CABYR: variants seen among roughly 807,000 people sequenced by gnomAD.
CABYR encodes the protein calcium-binding tyrosine phosphorylation-regulated protein.
CABYR carries 31 observed loss-of-function variants against 36.1 expected under a neutral mutation model. The ratio of observed to expected loss-of-function variants is 0.86; its 90% CI spans 0.64 to 1.16. The LOEUF is 1.16. Among genes scored for constraint, CABYR ranks in the 50% most tolerant of loss-of-function variants. CABYR has a pLI of 0.00. For missense variants in CABYR, 429 were observed against 455.8 expected (o/e 0.94, Z 0.53); for synonymous variants, 146 against 160.7 (o/e 0.91, Z 0.69).
chr18:24,149,838 G>A (rs2085571607), intron 3 of CABYR, among the ~76,000 whole-genome samples: 1 of 152,220 alleles, frequency 6.6e-6, no homozygotes, highest in Non-Finnish European at 1.5e-5. Context: ...GGGCCGGCCC[G>A]CTGCTCGGAA....
At chr18:24,144,780 C>T (rs994996940) in intron 3 of CABYR, among the ~76,000 whole-genome samples, 1 of 152,208 alleles carries the variant, frequency 6.6e-6, no homozygotes, top group Non-Finnish European at 1.5e-5. Flanking sequence ...AAAAGACTCA[C>T]TAATTAACCA....
intron 3 of CABYR, among the ~76,000 whole-genome samples, chr18:24,146,834 G>A (rs548930790): frequency 6.6e-6 from 1 of 152,210 alleles, no homozygotes; most frequent in South Asian, 2.1e-4. Flanking sequence ...AACCATAGAA[G>A]CCAAAAGACA....
At chr18:24,148,351 T>C (rs562692685) in intron 3 of CABYR, among the ~76,000 whole-genome samples, 1 of 152,268 alleles carries the variant, frequency 6.6e-6, no homozygotes, top group African/African-American at 2.4e-5. Flanking sequence ...CCATTAGTGG[T>C]TTATCACCTG....
intron 1 of CABYR, among the ~76,000 whole-genome samples, chr18:24,140,895 A>T (rs940265082): frequency 6.6e-6 from 1 of 152,214 alleles, no homozygotes; most frequent in African/African-American, 2.4e-5. Flanking sequence ...TTAATGGCTG[A>T]ATAGTACTCC....
In CABYR at chr18:24,159,952, T is replaced by C. The variant is rs772001353; in HGVS notation, c.1022T>C (p.Val341Ala). The C allele has an allele frequency of 6.2e-7, 1 of 1,614,124 alleles. No homozygotes were observed. Among genetic ancestry groups the C allele is most frequent in the South Asian group, 1.1e-5 (1 of 91,066 alleles). The change falls in exon 5 of 6, where the codon GTA becomes GCA. Residue 341 changes from valine to alanine, a missense_variant. Physicochemically the swap from Val to Ala is moderately conservative, Grantham distance 64. Transcript: ENST00000399496. ...TCTGTTGCTTTCCCAGTAGAAGATG[T>C]AGCTAAAAAAAGTTCAGGATCTGGT... ...FLSVAFPVED[V>A]AKKSSGSGDK...
intron 1 of CABYR, chr18:24,140,238 CTT>C (rs1484243831): frequency 1.3e-5 from 2 of 152,134 alleles, no homozygotes; most frequent in Admixed American, 1.3e-4. Flanking sequence ...CTGGGAGCCA[CTT>C]TCAAAACGGT....
chr18:24,157,772 C>T (rs1258800430), intron 4 of CABYR, among the ~76,000 whole-genome samples: 1 of 152,126 alleles, frequency 6.6e-6, no homozygotes, highest in Non-Finnish European at 1.5e-5. Context: ...ATGATGTGAC[C>T]TTCATCTCCA....
intron 3 of CABYR, among the ~76,000 whole-genome samples, chr18:24,152,153 G>A (rs907057289): frequency 2.0e-5 from 3 of 152,126 alleles, no homozygotes; most frequent in Non-Finnish European, 2.9e-5. Flanking sequence ...AATCAAAGCT[G>A]AATTAAAGAT....
At chr18:24,157,376 C>G (rs963237312) in intron 4 of CABYR, among the ~76,000 whole-genome samples, 2 of 152,106 alleles carry the variant, frequency 1.3e-5, no homozygotes, top group African/African-American at 4.8e-5. Flanking sequence ...TCTTGTGAAT[C>G]TAAAAATTAA....
chr18:24,160,325 C>T (rs1056054750), intron 5 of CABYR: 2 of 455,196 alleles, frequency 4.4e-6, no homozygotes, highest in Non-Finnish European at 7.8e-6. Context: ...AACTCAGTCA[C>T]CTTTGAATAC....
At chr18:24,155,610 C>T in intron 3 of CABYR, 91 bp from the exon 4 acceptor site, 2 of 959,426 alleles carry the variant, frequency 2.1e-6, no homozygotes, top group South Asian at 3.5e-5. Flanking sequence ...GCATGAGCCA[C>T]TACATCCCTA....
At chr18:24,144,315 C>T (rs1249062976) in intron 3 of CABYR, among the ~76,000 whole-genome samples, 4 of 152,158 alleles carry the variant, frequency 2.6e-5, no homozygotes, top group African/African-American at 9.7e-5. Context: ...GTATATACAT[C>T]CAAGCAGAGA....
At chr18:24,156,788 C>T (rs1313189476) in intron 4 of CABYR, 3 of 1,614,072 alleles carry the variant, frequency 1.9e-6, no homozygotes, top group South Asian at 1.1e-5. Context: ...TAGTCTCTGA[C>T]AATACTGGGC....
intron 3 of CABYR, among the ~76,000 whole-genome samples, chr18:24,149,777 C>T (rs2085569495): frequency 1.3e-5 from 2 of 152,258 alleles, no homozygotes; most frequent in Admixed American, 1.3e-4. Context: ...CCAGTACACC[C>T]TATGCAGCCA....
At chr18:24,141,130 G>A (rs886272705) in intron 1 of CABYR, among the ~76,000 whole-genome samples, 7 of 152,144 alleles carry the variant, frequency 4.6e-5, no homozygotes, top group African/African-American at 1.2e-4. Flanking sequence ...GAATGATATC[G>A]TAAAAGGAAG....
intron 1 of CABYR, chr18:24,139,372 T>G (rs892320688): frequency 4.6e-5 from 7 of 152,118 alleles, no homozygotes; most frequent in Non-Finnish European, 1.5e-5. Flanking sequence ...ACGCCCAGCC[T>G]CCTACATTTC....
chr18:24,154,280 G>T (rs2085715404), intron 3 of CABYR, among the ~76,000 whole-genome samples: 1 of 152,064 alleles, frequency 6.6e-6, no homozygotes, highest in Admixed American at 6.6e-5. Flanking sequence ...ACAGTGCCTA[G>T]ACCATTCTTA....
chr18:24,156,140 G>A, intron 4 of CABYR, 98 bp downstream of exon 4: 1 of 1,614,202 alleles, frequency 6.2e-7, no homozygotes, highest in South Asian at 1.1e-5. Flanking sequence ...CAAGCTCAGA[G>A]GCTGCTGAAG....
At chr18:24,141,050 A>G (rs1010757232) in intron 1 of CABYR, among the ~76,000 whole-genome samples, 7 of 152,216 alleles carry the variant, frequency 4.6e-5, no homozygotes, top group African/African-American at 1.4e-4. Context: ...CCATTTGGGT[A>G]TATACCCAGC....
Sources: allele counts gnomAD v4.1 joint callset (sites outside exome capture counted in the v4.1 genomes callset), GRCh38; gene constraint gnomAD v4.1.1; transcripts MANE v1.5; gene names NCBI Gene and HGNC (gene_info 2026-07-23, HGNC 2026-07-21).